Variants in DCBLD2 observed in about 807,000 individuals in gnomAD.
The protein encoded by DCBLD2 is discoidin, CUB and LCCL domain containing 2, also known as discoidin, CUB and LCCL domain-containing protein 2.
In DCBLD2, 54 loss-of-function variants were observed where a neutral mutation model predicts 86.8. The observed-to-expected ratio is 0.62, with a 90% CI of 0.50 to 0.78. The LOEUF (loss-of-function observed/expected upper bound fraction) is 0.78, where lower values mean the gene tolerates loss of function less well. Among genes scored for constraint, DCBLD2 ranks in the 30% least tolerant of loss-of-function variants. The probability of loss-of-function intolerance (pLI) is 0.00; values close to 1 mark genes in which losing one functional copy is unlikely to be tolerated. For missense variants in DCBLD2, 908 were observed against 954.2 expected, an observed-to-expected ratio of 0.95 and a Z score of 0.64; for synonymous variants, 354 against 341.3, an observed-to-expected ratio of 1.04 and a Z score of -0.41.
intron 1 of DCBLD2, among the ~76,000 whole-genome samples, chr3:98,897,420 G>C (rs1047256123): frequency 3.3e-5 from 5 of 152,064 alleles, no homozygotes; most frequent in East Asian, 3.8e-4. Context: ...AACAAAACTG[G>C]ATAAGAGCCC....
chr3:98,849,971 C>A (rs1942804590), intron 2 of DCBLD2, among the ~76,000 whole-genome samples: 1 of 152,110 alleles, frequency 6.6e-6, no homozygotes, highest in African/African-American at 2.4e-5. Flanking sequence ...TCTTAAAGTG[C>A]TTCCCTCAAA....
chr3:98,799,700 G>A lies in DCBLD2; in HGVS notation c.2000C>T (p.Ala667Val). Residue 667 changes from alanine (A) to valine (V), a missense_variant, in exon 16 of 16, where the codon GCT becomes GTT. Physicochemically the swap from Ala to Val is moderately conservative, Grantham distance 64. This residue lies in a region of DCBLD2 where 606 missense variants were observed against 678.5 expected (regional missense o/e 0.89). Coordinates refer to ENST00000326840, the MANE Select transcript of DCBLD2 (RefSeq NM_080927.4). ...SPGQEVYHAY[A>V]EPLPITGPEY... ...AGGCCCCGTAATTGGGAGTGGTTCA[G>A]CATAGGCATGATAAACTTCCTGCCC... The A allele has an allele frequency of 6.2e-7, 1 of 1,614,018 alleles. No individual in the cohort carries two copies.
chr3:98,813,669 G>C (rs1941978351), intron 9 of DCBLD2: 1 of 152,122 alleles, frequency 6.6e-6, no homozygotes, highest in African/African-American at 2.4e-5. Flanking sequence ...CCTGGCCTGT[G>C]ACTAATTTAA....
intron 9 of DCBLD2, chr3:98,815,423 A>G (rs1441157048): frequency 3.9e-5 from 6 of 152,222 alleles, no homozygotes; most frequent in Admixed American, 3.3e-4. Flanking sequence ...AAAATATCAC[A>G]TTGTTTCCAG....
intron 2 of DCBLD2, among the ~76,000 whole-genome samples, chr3:98,864,360 A>G (rs1943101957): frequency 6.6e-6 from 1 of 151,874 alleles, no homozygotes; most frequent in South Asian, 2.1e-4. Flanking sequence ...CTGGGTATAT[A>G]CCCAAAGGAT....
At chr3:98,848,597 C>T (rs185537681) in intron 3 of DCBLD2, among the ~76,000 whole-genome samples, 21 of 152,272 alleles carry the variant, frequency 1.4e-4, no homozygotes, top group Middle Eastern at 3.4e-3. Flanking sequence ...ACAGTGTATA[C>T]GGTTTCTTTT....
In DCBLD2 at chr3:98,886,725, T is replaced by C. The variant is rs544562234; in HGVS notation, c.206-4958A>G. On this transcript the variant is annotated intron_variant, in intron 1 of 15. Coordinates refer to ENST00000326840, the MANE Select transcript of DCBLD2 (RefSeq NM_080927.4). ...TATCTAGGGAATTACTCATAGAACA[T>C]GTGTTCACTTCCTCTGAAGAGTGTA... is the stretch of plus-strand genomic sequence containing the variant. 7.9e-5 allele frequency among the ~76,000 whole-genome samples: 12 copies of C among 151,974 alleles called. No individual in the cohort carries two copies. In the South Asian group the frequency reaches 2.3e-3, roughly 29 times the overall value.
chr3:98,856,848 A>C (rs1326590002), intron 2 of DCBLD2, among the ~76,000 whole-genome samples: 1 of 152,226 alleles, frequency 6.6e-6, no homozygotes, highest in African/African-American at 2.4e-5. Context: ...AGAAGAAAAA[A>C]AACAGACTAA....
Position 98,812,460 on chromosome 3 carries a change from T to C in DCBLD2, c.1235A>G (p.Tyr412Cys). ...QDKIFQGNKDYHQDVRNNFLP... is the reference protein window; with the variant it reads ...QDKIFQGNKDCHQDVRNNFLP... ...AAAGTTATTACGCACATCCTGGTGA[T>C]AATCTTTGTTTCCTTGAAATATCTT... Residue 412 changes from tyrosine (Y) to cysteine (C), a missense_variant, in exon 10 of 16, where the codon TAT becomes TGT. By Grantham distance (194) the Tyr-to-Cys change is radical. Transcript: ENST00000326840. 6.2e-7 allele frequency: 1 copy of C among 1,613,156 alleles called. No individual in the cohort carries two copies. The highest frequency in any genetic ancestry group is 8.5e-7 in the Non-Finnish European group (1 of 1,179,476).
intron 3 of DCBLD2, among the ~76,000 whole-genome samples, chr3:98,844,784 CAG>C (rs1942689727): frequency 6.6e-6 from 1 of 152,162 alleles, no homozygotes; most frequent in Non-Finnish European, 1.5e-5. Context: ...AGCTTCTAAA[CAG>C]GGGTTGCCAG....
chr3:98,822,189 A>G, intron 6 of DCBLD2, 39 bp downstream of exon 6: 2 of 1,609,258 alleles, frequency 1.2e-6, no homozygotes, highest in South Asian at 2.2e-5. Flanking sequence ...AATGCTAATT[A>G]TATATAGCAT....
intron 2 of DCBLD2, among the ~76,000 whole-genome samples, chr3:98,850,553 C>A (rs1475500670): frequency 6.6e-6 from 1 of 152,148 alleles, no homozygotes; most frequent in African/African-American, 2.4e-5. Flanking sequence ...AAGCAAGACA[C>A]ACACTAATAA....
chr3:98,876,412 T>TAAAAAAAAAAAAAAAAAAAAAAAAA (rs60681986), intron 2 of DCBLD2, among the ~76,000 whole-genome samples: 1 of 47,534 alleles, frequency 2.1e-5, no homozygotes, highest in African/African-American at 1.1e-4. Flanking sequence ...AGATAAAAAG[T>TAAAAAAAAAAAAAAAAAAAAAAAAA]AAAAAAAAAA....
intron 14 of DCBLD2, 86 bp from the exon 15 acceptor site, chr3:98,800,802 T>C: frequency 6.3e-7 from 1 of 1,576,636 alleles, no homozygotes; most frequent in Non-Finnish European, 8.6e-7. Context: ...CCTGTTGCAT[T>C]TAAGCCATTT....
At chr3:98,839,499 CTG>C (rs1346223349) in intron 3 of DCBLD2, among the ~76,000 whole-genome samples, 3 of 152,058 alleles carry the variant, frequency 2.0e-5, no homozygotes, top group Non-Finnish European at 4.4e-5. Flanking sequence ...CTTAATAAGA[CTG>C]TTATAAAATA....
At chr3:98,867,581 A>G (rs1943176161) in intron 2 of DCBLD2, among the ~76,000 whole-genome samples, 1 of 152,242 alleles carries the variant, frequency 6.6e-6, no homozygotes, top group Non-Finnish European at 1.5e-5. Context: ...ACTGGGTACC[A>G]GTGAAAACCT....
At chr3:98,805,061 T>C (rs1413922344) in intron 13 of DCBLD2, 4 of 152,490 alleles carry the variant, frequency 2.6e-5, no homozygotes, top group South Asian at 2.1e-4. Context: ...CCAATGTTAG[T>C]ATATGTGCTG....
In DCBLD2 at chr3:98,807,372, C is replaced by A. The variant is rs186530188; in HGVS notation, c.1670+709G>T. On this transcript the variant is annotated intron_variant, in intron 13 of 15. Coordinates refer to ENST00000326840, the MANE Select transcript of DCBLD2 (RefSeq NM_080927.4). ...AGTGATTAGGTCATGAAGGCAGAGTCCTCATGAATGGGATTGGTGCCCTTA... is the reference window on the plus strand; with the variant it reads ...AGTGATTAGGTCATGAAGGCAGAGTACTCATGAATGGGATTGGTGCCCTTA... Among the ~76,000 whole-genome samples the A allele has an allele frequency of 7.9e-4, 121 of 152,208 alleles. 2 individuals carry two copies. In the Middle Eastern group the frequency reaches 0.02, roughly 26 times the overall value.
At chr3:98,852,342 G>A (rs1038522184) in intron 2 of DCBLD2, among the ~76,000 whole-genome samples, 1 of 151,254 alleles carries the variant, frequency 6.6e-6, no homozygotes, top group African/African-American at 2.4e-5. Context: ...TGCCTCCCAC[G>A]TTCAAGCAAT....
Sources: allele counts gnomAD v4.1 joint callset (sites outside exome capture counted in the v4.1 genomes callset), GRCh38; gene constraint gnomAD v4.1.1; regional missense constraint gnomAD v4.1.1; transcripts MANE v1.5; gene names NCBI Gene and HGNC (gene_info 2026-07-23, HGNC 2026-07-21).